Variants in GLI2 observed in about 807,000 individuals in gnomAD.
The protein encoded by GLI2 is GLI family zinc finger 2.
A neutral mutation model predicts 78.9 loss-of-function variants in GLI2; 22 were observed. The observed-to-expected ratio is 0.28, with a 90% CI of 0.20 to 0.40. The LOEUF (loss-of-function observed/expected upper bound fraction) is 0.40, where lower values mean the gene tolerates loss of function less well. GLI2 is among the 10% of genes least tolerant of loss of function. The pLI, the probability that GLI2 is intolerant of heterozygous loss-of-function variation, is 1.00. For missense variants in GLI2, 2,097 were observed against 2,213.2 expected (o/e 0.95, Z 1.05); for synonymous variants, 974 against 963.7 (o/e 1.01, Z -0.20).
chr2:120,842,557 C>T (rs944613818), intron 2 of GLI2, among the ~76,000 whole-genome samples: 2 of 152,164 alleles, frequency 1.3e-5, no homozygotes, highest in Admixed American at 6.5e-5. Flanking sequence ...TGCCAAGGTG[C>T]GTCCCACATT....
chr2:120,832,098 C>T (rs1244021361), intron 2 of GLI2, among the ~76,000 whole-genome samples: 5 of 152,140 alleles, frequency 3.3e-5, no homozygotes, highest in Non-Finnish European at 7.4e-5. Context: ...GATTGGGGCC[C>T]CAGTCCATGC....
chr2:120,852,009 A>G (rs534146181), intron 2 of GLI2, among the ~76,000 whole-genome samples: 1 of 152,328 alleles, frequency 6.6e-6, no homozygotes, highest in African/African-American at 2.4e-5. Flanking sequence ...GTCTTGGAGA[A>G]ATACACCAGT....
intron 1 of GLI2, among the ~76,000 whole-genome samples, chr2:120,754,055 G>A (rs1180347362): frequency 2.6e-5 from 4 of 152,068 alleles, no homozygotes; most frequent in Non-Finnish European, 5.9e-5. Flanking sequence ...GATATATTGC[G>A]TAGTGGTAAA....
intron 2 of GLI2, among the ~76,000 whole-genome samples, chr2:120,871,000 C>T (rs1178735216): frequency 1.3e-5 from 2 of 152,224 alleles, no homozygotes; most frequent in Non-Finnish European, 1.5e-5. Context: ...ACCCCTATTC[C>T]TTAATTGAGA....
chr2:120,970,932 C>T (rs116653042), intron 7 of GLI2, among the ~76,000 whole-genome samples: 7,205 of 152,332 alleles, frequency 0.047, 585 homozygotes, highest in African/African-American at 0.16. Flanking sequence ...CATTATAAGA[C>T]TGTGCAGTTT....
chr2:120,914,066 G>A (rs955808950), intron 2 of GLI2, among the ~76,000 whole-genome samples: 4 of 152,248 alleles, frequency 2.6e-5, no homozygotes, highest in East Asian at 1.9e-4. Flanking sequence ...ACACCTTCAC[G>A]ACCCGTGGGG....
chr2:120,823,059 G>T (rs1685858017), intron 2 of GLI2, among the ~76,000 whole-genome samples: 1 of 100,102 alleles, frequency 1.0e-5, no homozygotes, highest in Non-Finnish European at 2.0e-5. Context: ...TCCCAACAGG[G>T]AACCTGCTCC....
chr2:120,989,037 G>A lies in GLI2; in HGVS notation c.3072G>A (p.Ala1024=), dbSNP rs1298779974. The A allele has an allele frequency of 1.9e-6, 3 of 1,606,068 alleles. No individual in the cohort carries two copies. Among genetic ancestry groups the A allele is most frequent in the Non-Finnish European group, 8.5e-7 (1 of 1,178,930 alleles). ...AGAACGTGGCGATGGAGGCCGTGGCGGCAGGAGTGGACGGCGCGGGGCCCG... is the reference window on the plus strand; with the variant it reads ...AGAACGTGGCGATGGAGGCCGTGGCAGCAGGAGTGGACGGCGCGGGGCCCG... ...ISENVAMEAV[A]AGVDGAGPEA... Residue 1024 remains alanine (A), a synonymous_variant, in exon 14 of 14, where the codon GCG becomes GCA. Transcript: ENST00000361492.
chr2:120,901,007 A>G (rs1354562513), intron 2 of GLI2, among the ~76,000 whole-genome samples: 1 of 152,162 alleles, frequency 6.6e-6, no homozygotes, highest in Non-Finnish European at 1.5e-5. Flanking sequence ...TGTTTGTACC[A>G]GGGTATGTTC....
chr2:120,929,116 G>C (rs768290322), intron 3 of GLI2, among the ~76,000 whole-genome samples: 7 of 152,156 alleles, frequency 4.6e-5, no homozygotes, highest in Non-Finnish European at 1.0e-4. Context: ...TCTGGGTTTG[G>C]GTTTGCCTGA....
At chr2:120,747,572 T>C (rs1468877385) in intron 1 of GLI2, among the ~76,000 whole-genome samples, 1 of 152,242 alleles carries the variant, frequency 6.6e-6, no homozygotes, top group Non-Finnish European at 1.5e-5. Flanking sequence ...GGAGACATTT[T>C]TGGTTGTCAC....
chr2:120,797,489 T>G lies in GLI2; in HGVS notation c.148+21T>G, dbSNP rs780068251. 17 of 1,610,488 alleles carry G rather than the reference T, an allele frequency of 1.1e-5. 1 individual carries two copies. Among genetic ancestry groups the G allele is most frequent in the Non-Finnish European group, 1.4e-5 (17 of 1,177,190 alleles). On this transcript the variant is annotated intron_variant, in intron 2 of 13. Coordinates refer to ENST00000361492, the MANE Select transcript of GLI2 (RefSeq NM_001374353.1). ...AGGAGGTACTTTCTGTTTCGCACAC[T>G]TGGAGGGCAGCAGGGGTGTTTTTCA...
In GLI2 at chr2:120,831,869, A is replaced by T. The variant is rs181596897; in HGVS notation, c.148+34401A>T. On this transcript the variant is annotated intron_variant, in intron 2 of 13. Transcript: ENST00000361492. Reference sequence around the variant, plus strand: ...AGTACCTGCGTGGAGTAAGGATGAAATCAATGGCACTAGTGTCAGGGCTGT... The same window carrying T: ...AGTACCTGCGTGGAGTAAGGATGAATTCAATGGCACTAGTGTCAGGGCTGT... Among the ~76,000 whole-genome samples, 456 of 152,306 alleles carry T rather than the reference A, an allele frequency of 3.0e-3. 1 individual carries two copies. Among genetic ancestry groups the T allele is most frequent in the Non-Finnish European group, 4.1e-3 (281 of 68,026 alleles).
At chr2:120,896,450 CTGGGGTGGGGGGGTAT>C in intron 2 of GLI2, among the ~76,000 whole-genome samples, 1 of 152,100 alleles carries the variant, frequency 6.6e-6, no homozygotes. Context: ...GCCCACCAAG[CTGGGGTGGGGGGGTAT>C]TGACAGTAAT....
intron 1 of GLI2, among the ~76,000 whole-genome samples, chr2:120,767,643 C>T (rs990845608): frequency 1.3e-5 from 2 of 152,174 alleles, no homozygotes; most frequent in African/African-American, 4.8e-5. Context: ...TCTGCCTGTG[C>T]CCCCCGCTCT....
intron 2 of GLI2, among the ~76,000 whole-genome samples, chr2:120,824,279 G>C (rs1685930514): frequency 6.6e-6 from 1 of 152,222 alleles, no homozygotes; most frequent in South Asian, 2.1e-4. Context: ...GAGGAAGAGG[G>C]AGGCAGCAAC....
At chr2:120,951,202 C>T in intron 3 of GLI2, 41 bp from the exon 4 acceptor site, 1 of 1,194,368 alleles carries the variant, frequency 8.4e-7, no homozygotes, top group Non-Finnish European at 1.3e-6. Context: ...GGGGTTCCCT[C>T]TGTGTCCTCC....
chr2:120,835,875 A>C (rs1216821659), intron 2 of GLI2, among the ~76,000 whole-genome samples: 1 of 152,096 alleles, frequency 6.6e-6, no homozygotes, highest in Non-Finnish European at 1.5e-5. Context: ...AGATGTAACA[A>C]ATACATGTAC....
At position 120,989,632 on chromosome 2, in the gene GLI2, A is replaced by T. The variant is rs1441997643; in HGVS notation, c.3667A>T (p.Thr1223Ser). 2 of 1,613,234 alleles carry T rather than the reference A, an allele frequency of 1.2e-6. No individual in the cohort carries two copies. The highest frequency in any genetic ancestry group is 1.7e-6 in the Non-Finnish European group (2 of 1,179,922). Residue 1223 changes from threonine (T) to serine (S), a missense_variant, in exon 14 of 14, where the codon ACT (threonine) becomes TCT (serine). Transcript: ENST00000361492. ...CAGCCAGTGTCCTGGCATGACTACCACTATGAGCCCCCATGCCTGCTATGG... is the reference window on the plus strand; with the variant it reads ...CAGCCAGTGTCCTGGCATGACTACCTCTATGAGCCCCCATGCCTGCTATGG... The part of the protein sequence containing the change: ...AGSQCPGMTT[T>S]MSPHACYGQV...
Sources: allele counts gnomAD v4.1 joint callset (sites outside exome capture counted in the v4.1 genomes callset), GRCh38; gene constraint gnomAD v4.1.1; transcripts MANE v1.5; gene names NCBI Gene and HGNC (gene_info 2026-07-23, HGNC 2026-07-21).